The following HDAC9 variants were observed in gnomAD, a reference collection of about 807,000 sequenced individuals.
HDAC9 encodes MEF-2 interacting transcription repressor (MITR) protein.
A neutral mutation model predicts 139.4 loss-of-function variants in HDAC9; 41 were observed. The ratio of observed to expected loss-of-function variants is 0.29; its 90% CI spans 0.23 to 0.38. The LOEUF (loss-of-function observed/expected upper bound fraction) is 0.38, where lower values mean the gene tolerates loss of function less well. Ranked by LOEUF, HDAC9 falls within the 10% of genes least tolerant of loss-of-function variation. The pLI is 1.00. For missense variants in HDAC9, 1,147 were observed against 1,297.0 expected (o/e 0.88, Z 1.78); for synonymous variants, 517 against 476.2 (o/e 1.09, Z -1.12).
chr7:18,407,866 A>T (rs1449820892), intron 1 of HDAC9, among the ~76,000 whole-genome samples: 1 of 152,200 alleles, frequency 6.6e-6, no homozygotes, highest in Non-Finnish European at 1.5e-5. Flanking sequence ...GTCTTTCAGT[A>T]GGTTAGGATC....
intron 12 of HDAC9, among the ~76,000 whole-genome samples, chr7:18,708,150 G>C (rs960898104): frequency 7.9e-5 from 12 of 152,216 alleles, no homozygotes; most frequent in African/African-American, 2.6e-4. Context: ...TGTAGAGGAG[G>C]GGGCAGGAAG....
chr7:18,678,185 T>C (rs1482553999), intron 12 of HDAC9, among the ~76,000 whole-genome samples: 1 of 151,904 alleles, frequency 6.6e-6, no homozygotes, highest in Non-Finnish European at 1.5e-5. Flanking sequence ...CCACAGAATC[T>C]TGATTACGGT....
intron 2 of HDAC9, among the ~76,000 whole-genome samples, chr7:18,576,431 G>A (rs1306635488): frequency 6.6e-6 from 1 of 152,130 alleles, no homozygotes; most frequent in East Asian, 1.9e-4. Flanking sequence ...GGAGGCAGAG[G>A]TGGGAGGATC....
chr7:18,473,669 T>C (rs1476843029), intron 1 of HDAC9, among the ~76,000 whole-genome samples: 5 of 152,228 alleles, frequency 3.3e-5, no homozygotes, highest in Admixed American at 3.3e-4. Context: ...CCCTGAGTTC[T>C]TTCCTCAGTA....
intron 2 of HDAC9, among the ~76,000 whole-genome samples, chr7:18,510,081 A>G (rs1002389881): frequency 6.6e-6 from 1 of 152,164 alleles, no homozygotes; most frequent in Non-Finnish European, 1.5e-5. Flanking sequence ...GTTTCTTTGT[A>G]GATTTGAAAA....
chr7:18,388,018 T>C (rs1469002158), intron 1 of HDAC9, among the ~76,000 whole-genome samples: 1 of 152,198 alleles, frequency 6.6e-6, no homozygotes, highest in African/African-American at 2.4e-5. Flanking sequence ...TTAAATAATT[T>C]CTGAAATTTT....
At position 18,732,935 on chromosome 7, in the gene HDAC9, A is replaced by ATGTGTATACACACGTGTATGTG. The variant is rs1316520592; in HGVS notation, c.1909+5186_1909+5207dup. Among the ~76,000 whole-genome samples the ATGTGTATACACACGTGTATGTG allele has an allele frequency of 1.2e-3, 86 of 73,180 alleles. 11 individuals are homozygous for ATGTGTATACACACGTGTATGTG. The highest frequency in any genetic ancestry group is 1.4e-3 in the Admixed American group (11 of 7,846). 48.0% of individuals were successfully genotyped at this position (73,180 alleles called of 152,430 possible). A position where few individuals can be genotyped will look rare whatever the true frequency, so the allele number is the denominator to read the frequency against. On this transcript the variant is annotated intron_variant, in intron 13 of 25. Transcript: ENST00000686413. ...TATGTGTATACACACGTGTGTATGT[A>ATGTGTATACACACGTGTATGTG]TGTGTATACACACGTGTATGTGTGT...
intron 1 of HDAC9, chr7:18,325,375 A>T (rs946069634): frequency 3.9e-5 from 6 of 152,168 alleles, no homozygotes; most frequent in African/African-American, 1.2e-4. Context: ...TCCTTTTAAT[A>T]GGACTGATTT....
intron 24 of HDAC9, among the ~76,000 whole-genome samples, chr7:18,973,809 A>C (rs1784392755): frequency 6.6e-6 from 1 of 152,172 alleles, no homozygotes. Flanking sequence ...ATTAGACATC[A>C]TGGTTTCCCA....
intron 2 of HDAC9, among the ~76,000 whole-genome samples, chr7:18,249,549 C>G (rs1005189360): frequency 1.4e-5 from 2 of 141,510 alleles, no homozygotes; most frequent in Admixed American, 1.4e-4. Flanking sequence ...CTGAACAGAT[C>G]TGTTTTTTAA....
intron 2 of HDAC9, among the ~76,000 whole-genome samples, chr7:18,522,854 A>G (rs1805535056): frequency 6.6e-6 from 1 of 152,194 alleles, no homozygotes; most frequent in Non-Finnish European, 1.5e-5. Context: ...TTAACAAGTG[A>G]GGAAACTGAG....
intron 17 of HDAC9, among the ~76,000 whole-genome samples, chr7:18,796,684 G>A (rs567514656): frequency 1.3e-5 from 2 of 152,200 alleles, no homozygotes; most frequent in Non-Finnish European, 2.9e-5. Flanking sequence ...TGGCATGTTT[G>A]GTGTATTGGA....
chr7:18,978,068 T>C (rs764048469), intron 25 of HDAC9, among the ~76,000 whole-genome samples: 4 of 151,892 alleles, frequency 2.6e-5, no homozygotes, highest in Non-Finnish European at 5.9e-5. Flanking sequence ...GCTTTCAAAA[T>C]GAGATAAAGT....
At chr7:18,854,383 C>T (rs955550345) in intron 21 of HDAC9, among the ~76,000 whole-genome samples, 15 of 152,096 alleles carry the variant, frequency 9.9e-5, no homozygotes, top group African/African-American at 3.4e-4. Flanking sequence ...GTCTTGGCTA[C>T]AGATATTATG....
chr7:18,165,523 A>G (rs1308126452), intron 2 of HDAC9, among the ~76,000 whole-genome samples: 1 of 152,206 alleles, frequency 6.6e-6, no homozygotes, highest in East Asian at 1.9e-4. Flanking sequence ...GCAGTGGCTC[A>G]TGCCTGTAAT....
chr7:18,292,357 T>A (rs2128225420), intron 1 of HDAC9, among the ~76,000 whole-genome samples: 1 of 152,264 alleles, frequency 6.6e-6, no homozygotes, highest in African/African-American at 2.4e-5. Flanking sequence ...AGAAATAGGT[T>A]TGTTCAAACA....
chr7:18,801,641 C>T (rs912385467), intron 17 of HDAC9, among the ~76,000 whole-genome samples: 11 of 151,910 alleles, frequency 7.2e-5, no homozygotes, highest in South Asian at 2.1e-4. Context: ...AGTAATAGTT[C>T]GGTAAAAATT....
chr7:18,572,428 G>T (rs1253668904), intron 2 of HDAC9, among the ~76,000 whole-genome samples: 1 of 150,786 alleles, frequency 6.6e-6, no homozygotes, highest in Non-Finnish European at 1.5e-5. Context: ...TGAGGCAGAG[G>T]ATTTCCTTAT....
intron 1 of HDAC9, among the ~76,000 whole-genome samples, chr7:18,325,325 A>T (rs584781): frequency 6.6e-6 from 1 of 152,008 alleles, no homozygotes; most frequent in African/African-American, 2.4e-5. Context: ...CAATTTCCCC[A>T]GTTGACATTA....
Sources: allele counts gnomAD v4.1 joint callset (sites outside exome capture counted in the v4.1 genomes callset), GRCh38; gene constraint gnomAD v4.1.1; transcripts MANE v1.5; gene names NCBI Gene and HGNC (gene_info 2026-07-23, HGNC 2026-07-21).